The following CLIC5 variants were observed in gnomAD, a reference collection of about 807,000 sequenced individuals.
The protein encoded by CLIC5 is CLIC family member 5, also known as chloride intracellular channel protein 5.
Under a neutral mutation model 24.7 loss-of-function variants are expected in CLIC5, and 20 were observed. That is an observed-to-expected ratio of 0.81 (90% confidence interval 0.57 to 1.18). The LOEUF is 1.18. Ranked by LOEUF, CLIC5 falls within the 50% of genes most tolerant of loss-of-function variation. CLIC5 has a pLI of 0.00. For synonymous variants in CLIC5, 159 were observed against 135.6 expected, an observed-to-expected ratio of 1.17 and a Z score of -1.20; for missense variants, 341 against 326.1, an observed-to-expected ratio of 1.05 and a Z score of -0.35.
intron 1 of CLIC5, among the ~76,000 whole-genome samples, chr6:45,958,967 A>G (rs1764760327): frequency 2.0e-4 from 1 of 5,108 alleles, no homozygotes; most frequent in South Asian, 2.6e-3. Context: ...CATACATACT[A>G]CATACATACA....
chr6:46,109,673 T>C, the CLIC5 span, among the ~76,000 whole-genome samples: 2 of 152,192 alleles, frequency 1.3e-5, no homozygotes, highest in South Asian at 2.1e-4. Context: ...ATTCTTTTTA[T>C]GTTTAGTTTT....
At chr6:46,008,526 C>G (rs1036581132) in intron 1 of CLIC5, among the ~76,000 whole-genome samples, 1 of 152,172 alleles carries the variant, frequency 6.6e-6, no homozygotes, top group Non-Finnish European at 1.5e-5. Context: ...GCTACTGGAG[C>G]CTGTCTTCTT....
chr6:45,922,977 C>A (rs1276850910), intron 4 of CLIC5, among the ~76,000 whole-genome samples: 2 of 152,120 alleles, frequency 1.3e-5, no homozygotes, highest in Non-Finnish European at 1.5e-5. Flanking sequence ...CACCTTCTGG[C>A]TTATCCCTGA....
intron 3 of CLIC5, among the ~76,000 whole-genome samples, chr6:45,942,816 G>A (rs531275738): frequency 1.3e-5 from 2 of 152,342 alleles, no homozygotes; most frequent in South Asian, 2.1e-4. Context: ...ACTGCCATTG[G>A]AAGAGTCCAG....
At position 45,937,973 on chromosome 6, in the gene CLIC5, C is replaced by A. The variant is rs77696325; in HGVS notation, c.406+3574G>T. On this transcript the variant is annotated intron_variant, in intron 4 of 5. Transcript: ENST00000339561. ...TTGAGAGGGCAGAAAAGGATCATGA[C>A]CTGGGCCAGTGTGTGTATGGGGGCT... is the stretch of plus-strand genomic sequence containing the variant. 1.1e-3 allele frequency among the ~76,000 whole-genome samples: 175 copies of A among 152,220 alleles called. 5 individuals are homozygous for A. The East Asian group carries it at 0.031, about 27-fold the overall frequency.
intron 1 of CLIC5, among the ~76,000 whole-genome samples, chr6:46,055,652 CTCA>C (rs1316754603): frequency 6.6e-6 from 1 of 152,184 alleles, no homozygotes; most frequent in African/African-American, 2.4e-5. Flanking sequence ...CTTTTTCCCC[CTCA>C]TGTCTCCCAT....
the CLIC5 span, among the ~76,000 whole-genome samples, chr6:46,113,133 C>T: frequency 6.6e-6 from 1 of 152,080 alleles, no homozygotes; most frequent in African/African-American, 2.4e-5. Flanking sequence ...TTGGAGGGAA[C>T]TGAGGTCTGG....
the CLIC5 span, chr6:46,102,788 A>G: frequency 6.6e-6 from 1 of 152,248 alleles, no homozygotes; most frequent in South Asian, 2.1e-4. Flanking sequence ...CTGTTTTAAA[A>G]TGTATTTATA....
At chr6:45,909,699 C>T (rs1181075273) in intron 5 of CLIC5, among the ~76,000 whole-genome samples, 1 of 152,142 alleles carries the variant, frequency 6.6e-6, no homozygotes, top group Non-Finnish European at 1.5e-5. Flanking sequence ...TCTCTAGCTG[C>T]CTTTAAGACT....
intron 1 of CLIC5, among the ~76,000 whole-genome samples, chr6:46,009,940 A>T (rs1435530526): frequency 1.3e-5 from 2 of 152,160 alleles, no homozygotes; most frequent in Non-Finnish European, 2.9e-5. Context: ...ATTACTCCAG[A>T]CATGGGCTCT....
chr6:45,889,155 A>C lies in CLIC5; in HGVS notation c.624-7967T>G, dbSNP rs191646855. 2.9e-4 allele frequency among the ~76,000 whole-genome samples: 44 copies of C among 152,314 alleles called. 1 individual carries two copies. The East Asian group carries it at 6.0e-3, about 21-fold the overall frequency. On this transcript the variant is annotated intron_variant, in intron 6 of 6. Transcript: ENST00000644324. ...TGAACAACAGAAATTTATTTTTCAC[A>C]GTTCTGGAGGTAGGAAAGTCCAAGG...
chr6:46,005,873 C>T (rs941217513), intron 1 of CLIC5, among the ~76,000 whole-genome samples: 2 of 151,290 alleles, frequency 1.3e-5, no homozygotes, highest in Admixed American at 1.3e-4. Context: ...CTGATAGACT[C>T]CCCAGCCTCC....
At chr6:45,908,007 A>G (rs530646758) in intron 5 of CLIC5, among the ~76,000 whole-genome samples, 2 of 152,248 alleles carry the variant, frequency 1.3e-5, no homozygotes, top group South Asian at 4.1e-4. Flanking sequence ...TGAAAAGTGT[A>G]TTTCTAGGAA....
chr6:45,980,511 G>A (rs116564634), intron 1 of CLIC5, among the ~76,000 whole-genome samples: 2,621 of 151,920 alleles, frequency 0.017, 71 homozygotes, highest in African/African-American at 0.058. Context: ...AAACCTCAGC[G>A]ACATGGAATT....
chr6:46,105,152 G>T, the CLIC5 span, among the ~76,000 whole-genome samples: 1 of 152,168 alleles, frequency 6.6e-6, no homozygotes, highest in Admixed American at 6.5e-5. Context: ...GATGTGGGTT[G>T]TAACACATTT....
At position 46,060,287 on chromosome 6, in the gene CLIC5, G is replaced by A. The variant is rs926287873; in HGVS notation, c.540+19416C>T. Among the ~76,000 whole-genome samples, 4 of 152,012 alleles carry A rather than the reference G, an allele frequency of 2.6e-5. No individual in the cohort carries two copies. The South Asian group carries it at 6.2e-4, about 24-fold the overall frequency. ...CAAGTTGGTTTGCCCTAAATACGGTGTATTTACTTATTAAAAATTTTTTTA... is the reference window on the plus strand; with the variant it reads ...CAAGTTGGTTTGCCCTAAATACGGTATATTTACTTATTAAAAATTTTTTTA... On this transcript the variant is annotated intron_variant, in intron 1 of 5. Coordinates refer to the CLIC5 transcript ENST00000185206.
exon 1 of CLIC5, chr6:46,080,341 G>A (rs1010443326): frequency 1.0e-5 from 11 of 1,053,220 alleles, no homozygotes; most frequent in South Asian, 1.7e-5. Context: ...AGGAATCAAC[G>A]AGCTCTTAAA....
intron 4 of CLIC5, among the ~76,000 whole-genome samples, chr6:45,934,932 A>C (rs1763874963): frequency 6.6e-6 from 1 of 152,244 alleles, no homozygotes; most frequent in Admixed American, 6.5e-5. Flanking sequence ...CCATTTGTTA[A>C]TTACCTGCCA....
In CLIC5 at chr6:45,929,466, C is replaced by A. The variant is rs554785950; in HGVS notation, c.406+12081G>T. ...TGTTTTTCCTTACAAGAATGCTAGT[C>A]AAAGCAAAACTTTAACCCAACAAAC... On this transcript the variant is annotated intron_variant, in intron 4 of 5. Transcript: ENST00000339561. Among the ~76,000 whole-genome samples, 35 of 152,292 alleles carry A rather than the reference C, an allele frequency of 2.3e-4. No homozygotes were observed. In the East Asian group the frequency reaches 6.4e-3, roughly 28 times the overall value.
Sources: gnomAD v4.1 joint callset for allele counts (sites outside exome capture counted in the v4.1 genomes callset) on GRCh38, gnomAD v4.1.1 for gene constraint, MANE v1.5 for transcripts, NCBI Gene and HGNC (gene_info 2026-07-23, HGNC 2026-07-21) for gene names.